Variants in OCIAD1 observed in about 807,000 individuals in gnomAD.
The protein encoded by OCIAD1 is OCIA domain containing 1, also known as OCIA domain-containing protein 1.
OCIAD1 carries 29 observed loss-of-function variants against 38.9 expected under a neutral mutation model. The observed-to-expected ratio is 0.74, with a 90% CI of 0.55 to 1.02. The LOEUF (loss-of-function observed/expected upper bound fraction) is 1.02, where lower values mean the gene tolerates loss of function less well. Ranked by LOEUF, OCIAD1 falls within the 50% of genes least tolerant of loss-of-function variation. The pLI is 0.00. For synonymous variants in OCIAD1, 110 were observed against 92.0 expected (o/e 1.20, Z -1.12); for missense variants, 288 against 289.6 (o/e 0.99, Z 0.04).
At chr4:48,830,096 C>T (rs1274951267), upstream of OCIAD1, among the ~76,000 whole-genome samples, 3 of 152,180 alleles carry the variant, frequency 2.0e-5, no homozygotes, top group Non-Finnish European at 4.4e-5. Context: ...CAAAGACCTC[C>T]AGGCTGTTTC....
At chr4:48,852,142 T>C (rs1316947935) in intron 7 of OCIAD1, 167 bp downstream of exon 7, 1 of 547,850 alleles carries the variant, frequency 1.8e-6, no homozygotes, top group African/African-American at 1.9e-5. Flanking sequence ...CAACTTTTCT[T>C]GAGGACCAGT....
Position 48,851,809 on chromosome 4 carries a change from C to T in OCIAD1, c.381C>T (p.His127=). 2 of 1,589,742 alleles carry T rather than the reference C, an allele frequency of 1.3e-6. No homozygotes were observed. Among genetic ancestry groups the T allele is most frequent in the Non-Finnish European group, 1.7e-6 (2 of 1,158,714 alleles). Residue 127 remains histidine, a synonymous_variant, in exon 7 of 9, where the codon CAC becomes CAT. Coordinates refer to ENST00000264312, the MANE Select transcript of OCIAD1 (RefSeq NM_017830.4). ...ACAATATGATTTTCATTTACAGGCA[C>T]TATTATCAAAAGTCAAAATATGACT... ...GQARRSSPPG[H]YYQKSKYDSS... is the part of the protein sequence containing the mutation.
At chr4:48,824,579 G>GT (rs1282280826) in intron 1 of OCIAD1, among the ~76,000 whole-genome samples, 1 of 150,954 alleles carries the variant, frequency 6.6e-6, no homozygotes, top group Non-Finnish European at 1.5e-5. Flanking sequence ...TAGAGATAGG[G>GT]TCTTTTTATG....
In OCIAD1 at chr4:48,833,459, T is replaced by C; in HGVS notation, c.117T>C (p.Asn39=). The C allele has an allele frequency of 1.9e-6, 3 of 1,602,860 alleles. No homozygotes were observed. The highest frequency in any genetic ancestry group is 2.6e-6 in the Non-Finnish European group (3 of 1,170,514). The change falls in exon 3 of 9, where the codon AAT becomes AAC. Residue 39 remains asparagine, a synonymous_variant. Coordinates refer to ENST00000264312, the MANE Select transcript of OCIAD1 (RefSeq NM_017830.4). ...AAAGGAGAGTCTTCGCAGAATGCAA[T>C]GATGAAAGCTTCTGGTTCAGATGTG... is the stretch of plus-strand genomic sequence containing the variant. ...EEERRVFAEC[N]DESFWFRSVP...
intron 8 of OCIAD1, among the ~76,000 whole-genome samples, chr4:48,857,676 G>A (rs1299692432): frequency 6.6e-6 from 1 of 151,876 alleles, no homozygotes; most frequent in Non-Finnish European, 1.5e-5. Context: ...CCCACGCCCA[G>A]CTAATTTTTT....
intron 1 of OCIAD1, among the ~76,000 whole-genome samples, chr4:48,821,793 A>C (rs112438552): frequency 1.3e-5 from 2 of 152,358 alleles, no homozygotes; most frequent in African/African-American, 4.8e-5. Flanking sequence ...TCCCATTCAC[A>C]ATTGCTACAA....
At chr4:48,845,297 A>G (rs1219821007) in intron 4 of OCIAD1, among the ~76,000 whole-genome samples, 1 of 152,204 alleles carries the variant, frequency 6.6e-6, no homozygotes, top group Non-Finnish European at 1.5e-5. Context: ...CATATGTTCT[A>G]CCATTTATTG....
intron 7 of OCIAD1, among the ~76,000 whole-genome samples, chr4:48,854,097 C>T (rs1466777495): frequency 6.6e-6 from 1 of 152,180 alleles, no homozygotes; most frequent in East Asian, 1.9e-4. Context: ...CTCATTTAAC[C>T]AGTCTGAAGT....
intron 1 of OCIAD1, among the ~76,000 whole-genome samples, chr4:48,824,581 C>A (rs1023537851): frequency 6.6e-6 from 1 of 151,402 alleles, no homozygotes; most frequent in African/African-American, 2.4e-5. Context: ...GAGATAGGGT[C>A]TTTTTATGTT....
upstream of OCIAD1, among the ~76,000 whole-genome samples, chr4:48,827,049 T>C (rs1777258390): frequency 6.6e-6 from 1 of 152,356 alleles, no homozygotes; most frequent in South Asian, 2.1e-4. Context: ...ATAATAAATA[T>C]GTGTTAAACT....
intron 1 of OCIAD1, among the ~76,000 whole-genome samples, chr4:48,819,842 T>G (rs1487221803): frequency 7.0e-6 from 1 of 142,760 alleles, no homozygotes; most frequent in Non-Finnish European, 1.5e-5. Context: ...AAGGGATCAA[T>G]ACATCAAGAA....
intron 3 of OCIAD1, chr4:48,837,160 A>C (rs1021286044): frequency 1.3e-5 from 2 of 150,388 alleles, no homozygotes; most frequent in African/African-American, 4.9e-5. Context: ...TTTTTACTAG[A>C]GATGGGGTTT....
At position 48,850,027 on chromosome 4, in the gene OCIAD1, TC is replaced by T; in HGVS notation, c.328del (p.Gly111GlufsTer28). On this transcript the variant is annotated frameshift_variant, in exon 6 of 9. Coordinates refer to ENST00000264312, the MANE Select transcript of OCIAD1 (RefSeq NM_017830.4). LOFTEE classifies it high-confidence loss of function. ...AGAGAAATTCAAGAAACTTGAAAAT[TC>T]CCCCCTTGGAGAAGCTTTACGATCA... ...CQEKFKKLEN[S>X]PLGEALRSGQ... 1 of 1,613,426 alleles carries T rather than the reference TC, an allele frequency of 6.2e-7. No individual in the cohort carries two copies. Among genetic ancestry groups the T allele is most frequent in the South Asian group, 1.1e-5 (1 of 90,812 alleles).
chr4:48,821,045 T>C (rs1343846681), intron 1 of OCIAD1, among the ~76,000 whole-genome samples: 3 of 152,226 alleles, frequency 2.0e-5, no homozygotes, highest in Non-Finnish European at 4.4e-5. Flanking sequence ...CCTTAACTCA[T>C]TTTATGAGGC....
At chr4:48,812,282 CAAAAAAA>C (rs397881494) in intron 1 of OCIAD1, among the ~76,000 whole-genome samples, 2 of 25,072 alleles carry the variant, frequency 8.0e-5, no homozygotes, top group East Asian at 1.8e-3. Context: ...GAGTTGGTCT[CAAAAAAA>C]AAAAAAAAAA....
At chr4:48,822,239 C>T (rs114461230) in intron 1 of OCIAD1, among the ~76,000 whole-genome samples, 2,481 of 152,214 alleles carry the variant, frequency 0.016, 23 homozygotes, top group Middle Eastern at 0.038. Flanking sequence ...GAAATAACAC[C>T]ATGCATCACA....
intron 6 of OCIAD1, among the ~76,000 whole-genome samples, chr4:48,851,359 G>A (rs965467731): frequency 3.1e-4 from 47 of 152,234 alleles, no homozygotes; most frequent in African/African-American, 1.1e-3. Flanking sequence ...GAAAGAAACA[G>A]ACCTCATTTT....
intron 7 of OCIAD1, 163 bp from the exon 8 acceptor site, chr4:48,857,050 A>T (rs546501450): frequency 2.7e-6 from 1 of 374,830 alleles, no homozygotes; most frequent in Non-Finnish European, 4.9e-6. Context: ...CAGTTTGATG[A>T]TTATCTTGGT....
In OCIAD1 at chr4:48,857,383, G is replaced by T. The variant is rs1213446906; in HGVS notation, c.700+18G>T. The T allele has an allele frequency of 6.7e-7, 1 of 1,490,334 alleles. No homozygotes were observed. The highest frequency in any genetic ancestry group is 2.4e-5 in the East Asian group (1 of 41,270). 92.3% of individuals were successfully genotyped at this position (1,490,334 alleles called of 1,614,324 possible). A position where few individuals can be genotyped will look rare whatever the true frequency, so the allele number is the denominator to read the frequency against. ...AAAAGAAGGTATGATAGTTTAGTCT[G>T]AATCACTTTACTGTTGAGGATTGGA... On this transcript the variant is annotated intron_variant, in intron 8 of 8. Transcript: ENST00000264312.
Sources: gnomAD v4.1 joint callset for allele counts (sites outside exome capture counted in the v4.1 genomes callset) on GRCh38, gnomAD v4.1.1 for gene constraint, MANE v1.5 for transcripts, NCBI Gene and HGNC (gene_info 2026-07-23, HGNC 2026-07-21) for gene names.